The following AGBL4 variants were observed in gnomAD, a reference collection of about 807,000 sequenced individuals.
AGBL4 encodes the protein AGBL carboxypeptidase 4.
A neutral mutation model predicts 66.4 loss-of-function variants in AGBL4; 58 were observed. The observed-to-expected ratio is 0.87, with a 90% CI of 0.71 to 1.09. The LOEUF (loss-of-function observed/expected upper bound fraction) is 1.09. AGBL4 is among the 50% of genes least tolerant of loss of function. The pLI is 0.00. For missense variants in AGBL4, 579 were observed against 631.0 expected (o/e 0.92, Z 0.88); for synonymous variants, 234 against 222.9 (o/e 1.05, Z -0.44).
At chr1:48,893,268 C>T (rs1200402950) in intron 5 of AGBL4, among the ~76,000 whole-genome samples, 1 of 151,974 alleles carries the variant, frequency 6.6e-6, no homozygotes, top group Non-Finnish European at 1.5e-5. Flanking sequence ...GTTTGTGTTC[C>T]CCCTCAATTT....
Position 48,539,738 on chromosome 1 carries a change from T to G in AGBL4, c.1268A>C (p.Tyr423Ser). 6.5e-7 allele frequency: 1 copy of G among 1,528,052 alleles called. No individual in the cohort carries two copies. The highest frequency in any genetic ancestry group is 8.8e-7 in the Non-Finnish European group (1 of 1,131,132). 94.7% of individuals were successfully genotyped at this position (1,528,052 alleles called of 1,614,324 possible). A position where few individuals can be genotyped will look rare whatever the true frequency, so the allele number is the denominator to read the frequency against. Residue 423 changes from tyrosine (Y) to serine (S), a missense_variant and splice_region_variant, in exon 12 of 14, where the codon TAT becomes TCT. Transcript: ENST00000371839. ...TAAVPYTEEA[Y>S]MKLGRNVART... ...TGCCACATTCCGCCCCAGCTTCATA[T>G]CTGCAGGTGTGTGCATTAAGGAGCA...
chr1:49,851,080 A>G (rs1394816356), intron 2 of AGBL4, among the ~76,000 whole-genome samples: 1 of 152,162 alleles, frequency 6.6e-6, no homozygotes, highest in Non-Finnish European at 1.5e-5. Context: ...TATTCAATAA[A>G]TCGTAATTGA....
chr1:49,734,259 T>C (rs552867301), intron 2 of AGBL4, among the ~76,000 whole-genome samples: 1 of 151,600 alleles, frequency 6.6e-6, no homozygotes, highest in South Asian at 2.1e-4. Context: ...ATGGAGGTTA[T>C]AACTAGTGCC....
intron 5 of AGBL4, among the ~76,000 whole-genome samples, chr1:49,006,724 CCCCTGAG>C (rs1339306959): frequency 6.6e-6 from 1 of 151,814 alleles, no homozygotes; most frequent in Non-Finnish European, 1.5e-5. Flanking sequence ...TGACCCCTGA[CCCCTGAG>C]CAGCCTAACT....
At chr1:49,063,392 G>A (rs1009566601) in intron 4 of AGBL4, among the ~76,000 whole-genome samples, 3 of 152,148 alleles carry the variant, frequency 2.0e-5, no homozygotes, top group African/African-American at 7.2e-5. Context: ...AAGAGGTCGG[G>A]GGTTTAGGCT....
At chr1:49,207,578 C>CTTTCTTTCTTTCT in intron 4 of AGBL4, among the ~76,000 whole-genome samples, 1 of 108,654 alleles carries the variant, frequency 9.2e-6, no homozygotes, top group South Asian at 2.9e-4. Context: ...TTCTTTCTTT[C>CTTTCTTTCTTTCT]TTTCTTTCTT....
intron 3 of AGBL4, among the ~76,000 whole-genome samples, chr1:49,522,384 T>C (rs986601910): frequency 3.3e-5 from 5 of 152,142 alleles, no homozygotes; most frequent in African/African-American, 4.8e-5. Context: ...GAAATCTCCC[T>C]GTGTCACTAG....
At chr1:48,827,937 G>A (rs546213205) in intron 6 of AGBL4, among the ~76,000 whole-genome samples, 2 of 151,172 alleles carry the variant, frequency 1.3e-5, no homozygotes, top group East Asian at 2.0e-4. Flanking sequence ...GGCAGATCAC[G>A]AGGTCAGGAG....
At chr1:48,685,935 T>C (rs1646524223) in intron 6 of AGBL4, among the ~76,000 whole-genome samples, 1 of 152,214 alleles carries the variant, frequency 6.6e-6, no homozygotes, top group South Asian at 2.1e-4. Context: ...CTGTCATGCA[T>C]CATTTGCCTT....
At chr1:49,775,001 G>C (rs766802823) in intron 2 of AGBL4, among the ~76,000 whole-genome samples, 12 of 152,068 alleles carry the variant, frequency 7.9e-5, no homozygotes, top group Admixed American at 2.0e-4. Flanking sequence ...AACAATGATA[G>C]TTAAGTAATT....
chr1:49,775,352 G>A (rs1462435262), intron 2 of AGBL4, among the ~76,000 whole-genome samples: 2 of 152,090 alleles, frequency 1.3e-5, no homozygotes, highest in African/African-American at 4.8e-5. Context: ...CTAAGTGTCT[G>A]TTATTCAATA....
intron 5 of AGBL4, among the ~76,000 whole-genome samples, chr1:48,982,066 A>T (rs1259560082): frequency 2.6e-5 from 4 of 152,184 alleles, no homozygotes; most frequent in Admixed American, 2.6e-4. Context: ...AGAAGAGGTG[A>T]CATATTGAAA....
intron 5 of AGBL4, among the ~76,000 whole-genome samples, chr1:49,025,904 T>G (rs542392141): frequency 1.3e-5 from 2 of 152,322 alleles, no homozygotes; most frequent in South Asian, 4.1e-4. Flanking sequence ...GAGGTTCATA[T>G]TTGGCATTTG....
the AGBL4 span, among the ~76,000 whole-genome samples, chr1:48,525,292 C>T: frequency 2.0e-5 from 3 of 152,118 alleles, no homozygotes; most frequent in Non-Finnish European, 4.4e-5. Context: ...GACAGTGGTT[C>T]CCTAGAAGCT....
At chr1:48,663,019 A>G in intron 7 of AGBL4, 133 bp downstream of exon 7, 1 of 776,672 alleles carries the variant, frequency 1.3e-6, no homozygotes, top group South Asian at 1.8e-5. Flanking sequence ...AGATCAGGTA[A>G]AATCTCTTTA....
At chr1:49,426,624 T>C (rs1645665968) in intron 3 of AGBL4, among the ~76,000 whole-genome samples, 1 of 152,200 alleles carries the variant, frequency 6.6e-6, no homozygotes, top group Admixed American at 6.5e-5. Context: ...TATTTAATAC[T>C]TGTTCTGTGC....
intron 2 of AGBL4, among the ~76,000 whole-genome samples, chr1:49,850,430 T>C (rs1453543078): frequency 6.6e-6 from 1 of 152,152 alleles, no homozygotes; most frequent in Non-Finnish European, 1.5e-5. Flanking sequence ...ACATTTCTGT[T>C]TTATAATCCA....
At chr1:49,230,033 A>G (rs1158452106) in intron 4 of AGBL4, among the ~76,000 whole-genome samples, 1 of 152,222 alleles carries the variant, frequency 6.6e-6, no homozygotes, top group Non-Finnish European at 1.5e-5. Context: ...CAAGAGCCAT[A>G]CTGATACCAG....
chr1:48,655,799 G>A (rs2148446279), intron 7 of AGBL4, among the ~76,000 whole-genome samples: 1 of 152,338 alleles, frequency 6.6e-6, no homozygotes, highest in African/African-American at 2.4e-5. Context: ...AATCAAAACA[G>A]AACTTGGGTT....
Sources: gnomAD v4.1 joint callset for allele counts (sites outside exome capture counted in the v4.1 genomes callset) on GRCh38, gnomAD v4.1.1 for gene constraint, MANE v1.5 for transcripts, NCBI Gene and HGNC (gene_info 2026-07-23, HGNC 2026-07-21) for gene names.